PITPNM2: variants seen among roughly 807,000 people sequenced by gnomAD.
PITPNM2 encodes phosphatidylinositol transfer protein membrane associated 2.
In PITPNM2, 35 loss-of-function variants were observed where a neutral mutation model predicts 132.2. The observed-to-expected ratio is 0.26, with a 90% CI of 0.20 to 0.35. PITPNM2 has a LOEUF of 0.35. Among genes scored for constraint, PITPNM2 ranks in the 10% least tolerant of loss-of-function variants. The pLI is 1.00. For synonymous variants in PITPNM2, 738 were observed against 799.2 expected, an observed-to-expected ratio of 0.92 and a Z score of 1.29; for missense variants, 1,332 against 1,912.0, an observed-to-expected ratio of 0.70 and a Z score of 5.66.
In PITPNM2 at chr12:123,008,335, G is replaced by C. The variant is rs767171500; in HGVS notation, c.643+1515C>G. Among the ~76,000 whole-genome samples, 65 of 152,148 alleles carry C rather than the reference G, an allele frequency of 4.3e-4. No individual in the cohort carries two copies. Among genetic ancestry groups the C allele is most frequent in the South Asian group, 6.2e-4 (3 of 4,830 alleles). On this transcript the variant is annotated intron_variant, in intron 6 of 25. Coordinates refer to ENST00000320201, the MANE Select transcript of PITPNM2 (RefSeq NM_020845.3). This position sits in a 1 kb window ranked among gnomAD's most constrained non-coding sequence, Gnocchi z 4.1. ...TAGGTCTGCTGGGTGTCCTGTGCAG[G>C]GCTGAACCTAGAGAAGCCTTGAGGA...
intron 1 of PITPNM2, among the ~76,000 whole-genome samples, chr12:123,112,915 G>A (rs928252925): frequency 3.3e-5 from 5 of 152,144 alleles, no homozygotes; most frequent in Non-Finnish European, 7.3e-5. Flanking sequence ...TACCTTAGGG[G>A]ACAAGAACAA....
In PITPNM2 at chr12:122,988,288, G is replaced by A; in HGVS notation, c.2943C>T (p.Thr981=). ...ELDGKEVSVF[T]PSKPREKWQR... ...GCCACTTCTCCCTTGGCTTTGAGGGGGTGAACACCGACACTTCCTTGCCAT... is the reference window on the plus strand; with the variant it reads ...GCCACTTCTCCCTTGGCTTTGAGGGAGTGAACACCGACACTTCCTTGCCAT... Residue 981 remains threonine (T), a synonymous_variant, in exon 20 of 26, where the codon ACC becomes ACT. Transcript: ENST00000320201. 3 of 1,613,442 alleles carry A rather than the reference G, an allele frequency of 1.9e-6. No individual in the cohort carries two copies. Among genetic ancestry groups the A allele is most frequent in the Non-Finnish European group, 2.5e-6 (3 of 1,179,998 alleles).
intron 3 of PITPNM2, among the ~76,000 whole-genome samples, chr12:123,019,162 C>T (rs929740649): frequency 1.3e-5 from 2 of 152,032 alleles, no homozygotes; most frequent in African/African-American, 2.4e-5. Flanking sequence ...GTGAATATAC[C>T]GAGAACCTTT....
At position 123,012,848 on chromosome 12, in the gene PITPNM2, A is replaced by C. The variant is rs991019854; in HGVS notation, c.294-114T>G. 7.1e-6 allele frequency: 10 copies of C among 1,406,190 alleles called. No individual in the cohort carries two copies. In the African/African-American group the frequency reaches 1.4e-4, roughly 20 times the overall value. 87.1% of individuals were successfully genotyped at this position (1,406,190 alleles called of 1,614,324 possible). On this transcript the variant is annotated intron_variant, in intron 4 of 25. Transcript: ENST00000320201. ...GGAGCTGGTGAGCGGGCATGGAAGG[A>C]GGGTGGAGGGTAGCCGAGACTTGCC...
intron 2 of PITPNM2, among the ~76,000 whole-genome samples, chr12:123,072,422 C>T (rs1356728683): frequency 6.6e-6 from 1 of 152,212 alleles, no homozygotes; most frequent in African/African-American, 2.4e-5. Context: ...GAAAATTCCT[C>T]TCACTATGGC....
In PITPNM2 at chr12:123,036,202, G is replaced by GCTAAA. The variant is rs2136478521; in HGVS notation, c.-95-1518_-95-1517insTTTAG. On this transcript the variant is annotated intron_variant, in intron 2 of 25. Transcript: ENST00000320201. This position sits in a 1 kb window ranked among gnomAD's most constrained non-coding sequence, Gnocchi z 4.1. ...TCACCCAGGTGCTAAAGCATTACTG[G>GCTAAA]GTAGCTAACAAGGTTGAGAAAAACA... Among the ~76,000 whole-genome samples the GCTAAA allele has an allele frequency of 6.6e-6, 1 of 152,270 alleles. No homozygotes were observed. Among genetic ancestry groups the GCTAAA allele is most frequent in the African/African-American group, 2.4e-5 (1 of 41,532 alleles).
rs1263880912 is a variant in PITPNM2 at position 123,064,723 on chromosome 12, G to T, written c.-95-30038C>A. On this transcript the variant is annotated intron_variant, in intron 2 of 25. Coordinates refer to ENST00000320201, the MANE Select transcript of PITPNM2 (RefSeq NM_020845.3). The surrounding 1 kb of genome is among the most constrained non-coding windows in gnomAD (Gnocchi z 4.0). Reference sequence around the variant, plus strand: ...CAGGAGAAAATCAGGGAAGGTTGTGGGGGTAAGCACATCACCCTCACCCTG... The same window carrying T: ...CAGGAGAAAATCAGGGAAGGTTGTGTGGGTAAGCACATCACCCTCACCCTG... Among the ~76,000 whole-genome samples, 1 of 152,188 alleles carries T rather than the reference G, an allele frequency of 6.6e-6. No individual in the cohort carries two copies. The highest frequency in any genetic ancestry group is 6.5e-5 in the Admixed American group (1 of 15,274).
chr12:123,120,648 C>A (rs992039281), intron 1 of PITPNM2, among the ~76,000 whole-genome samples: 1 of 152,152 alleles, frequency 6.6e-6, no homozygotes, highest in Non-Finnish European at 1.5e-5. Context: ...TAATTACAGT[C>A]TGGGATGATG....
intron 2 of PITPNM2, among the ~76,000 whole-genome samples, chr12:123,093,901 C>T (rs2042336659): frequency 6.6e-6 from 1 of 152,200 alleles, no homozygotes; most frequent in Non-Finnish European, 1.5e-5. Context: ...ACCACCAGAA[C>T]CCCCTGGGCA....
At chr12:123,037,038 C>T (rs1486208183) in intron 2 of PITPNM2, among the ~76,000 whole-genome samples, 1 of 152,254 alleles carries the variant, frequency 6.6e-6, no homozygotes, top group African/African-American at 2.4e-5. Flanking sequence ...CCCATACTCC[C>T]AGACTCAGCT....
At chr12:122,995,131 C>T in intron 14 of PITPNM2, 152 bp from the exon 15 acceptor site, 2 of 1,021,358 alleles carry the variant, frequency 2.0e-6, no homozygotes, top group Non-Finnish European at 2.8e-6. Flanking sequence ...GTCCATTCTG[C>T]CCCCAACTCT....
At chr12:123,046,644 T>G (rs1475400178) in intron 2 of PITPNM2, among the ~76,000 whole-genome samples, 3 of 152,216 alleles carry the variant, frequency 2.0e-5, no homozygotes, top group Admixed American at 2.0e-4. Flanking sequence ...CTTTCTGTTT[T>G]GATGGATTTG....
In PITPNM2 at chr12:123,013,871, C is replaced by T. The variant is rs751848911; in HGVS notation, c.250G>A (p.Val84Met). 6.2e-7 allele frequency: 1 copy of T among 1,614,266 alleles called. No individual in the cohort carries two copies. The highest frequency in any genetic ancestry group is 8.5e-7 in the Non-Finnish European group (1 of 1,180,052). The change falls in exon 4 of 26, where the codon GTG becomes ATG. Residue 84 changes from valine to methionine, a missense_variant. Val to Met is a conservative substitution (Grantham distance 21). Around this residue, in one of 6 missense-constraint regions of PITPNM2, gnomAD observed 83 missense variants for 118.7 expected, o/e 0.70. Transcript: ENST00000320201. ...RSILPKAALR[V>M]VEESWNAYPY... Reference sequence around the variant, plus strand: ...TAGGCATTCCAAGACTCCTCCACCACCCGCAGGGCTGCCTTGGGCAGGATG... The same window carrying T: ...TAGGCATTCCAAGACTCCTCCACCATCCGCAGGGCTGCCTTGGGCAGGATG...
rs1430451238 is a variant in PITPNM2, at chr12:123,009,645, G to A, written c.643+205C>T. 6.6e-6 allele frequency among the ~76,000 whole-genome samples: 1 copy of A among 152,228 alleles called. No individual in the cohort carries two copies. Among genetic ancestry groups the A allele is most frequent in the Non-Finnish European group, 1.5e-5 (1 of 68,032 alleles). Reference sequence around the variant, plus strand: ...CACTGCTTGTCTCTGCAGATGCTCAGTAAGTATTCATGGATGTTCAAGATA... The same window carrying A: ...CACTGCTTGTCTCTGCAGATGCTCAATAAGTATTCATGGATGTTCAAGATA... On this transcript the variant is annotated intron_variant, in intron 6 of 25. Transcript: ENST00000320201. This position sits in a 1 kb window ranked among gnomAD's most constrained non-coding sequence, Gnocchi z 4.8.
chr12:123,072,822 C>T (rs1025701101), intron 2 of PITPNM2, among the ~76,000 whole-genome samples: 1 of 152,228 alleles, frequency 6.6e-6, no homozygotes, highest in African/African-American at 2.4e-5. Flanking sequence ...GTCAGGAAAC[C>T]ATCATAAGAT....
rs2042707875 is a variant in PITPNM2 at position 123,106,268 on chromosome 12, G to C, written c.-96+4117C>G. Among the ~76,000 whole-genome samples the C allele has an allele frequency of 1.3e-5, 2 of 152,172 alleles. No individual in the cohort carries two copies. Among genetic ancestry groups the C allele is most frequent in the Admixed American group, 1.3e-4 (2 of 15,278 alleles). ...CCAGGTGTGGTGGTGTGCACCTGTA[G>C]TCCCAGCTACTCAGGAGGCTGAGGT... On this transcript the variant is annotated intron_variant, in intron 2 of 25. Coordinates refer to ENST00000320201, the MANE Select transcript of PITPNM2 (RefSeq NM_020845.3). This position sits in a 1 kb window ranked among gnomAD's most constrained non-coding sequence, Gnocchi z 4.4.
At position 122,985,319 on chromosome 12, in the gene PITPNM2, C is replaced by G. The variant is rs1032655657; in HGVS notation, c.*708G>C. On this transcript the variant is annotated 3_prime_UTR_variant, in exon 26 of 26. Coordinates refer to ENST00000320201, the MANE Select transcript of PITPNM2 (RefSeq NM_020845.3). ...AAGAGGCGGCCAGGCCCGTCCAGCCCGTGGCCTGAGGCTGGAAACAACACT... is the reference window on the plus strand; with the variant it reads ...AAGAGGCGGCCAGGCCCGTCCAGCCGGTGGCCTGAGGCTGGAAACAACACT... 1 of 152,536 alleles carries G rather than the reference C, an allele frequency of 6.6e-6. No homozygotes were observed. The highest frequency in any genetic ancestry group is 6.5e-5 in the Admixed American group (1 of 15,286). 9.4% of individuals were successfully genotyped at this position (152,536 alleles called of 1,614,324 possible).
At chr12:123,038,053 G>T (rs1330881421) in intron 2 of PITPNM2, among the ~76,000 whole-genome samples, 1 of 152,182 alleles carries the variant, frequency 6.6e-6, no homozygotes, top group Non-Finnish European at 1.5e-5. Flanking sequence ...TGGCACCTGG[G>T]TGGAGTGGGG....
At chr12:123,130,776 T>C (rs2043246765) in intron 1 of PITPNM2, among the ~76,000 whole-genome samples, 4 of 151,900 alleles carry the variant, frequency 2.6e-5, no homozygotes, top group Non-Finnish European at 5.9e-5. Context: ...CGAGACTCCA[T>C]CTCAAAAAAA....
Sources: allele counts gnomAD v4.1 joint callset (sites outside exome capture counted in the v4.1 genomes callset), GRCh38; gene constraint gnomAD v4.1.1; regional missense constraint gnomAD v4.1.1; non-coding constraint Gnocchi (gnomAD v3.1); transcripts MANE v1.5; gene names NCBI Gene and HGNC (gene_info 2026-07-23, HGNC 2026-07-21).